ADRA1A: variants seen among roughly 807,000 people sequenced by gnomAD.
The protein encoded by ADRA1A is alpha-1A adrenergic receptor.
A neutral mutation model predicts 29.6 loss-of-function variants in ADRA1A; 31 were observed. That is an observed-to-expected ratio of 1.05 (90% CI 0.79 to 1.41). The LOEUF (loss-of-function observed/expected upper bound fraction) is 1.41, where lower values mean the gene tolerates loss of function less well. ADRA1A is among the 40% of genes most tolerant of loss of function. ADRA1A has a pLI of 0.00. For synonymous variants in ADRA1A, 311 were observed against 254.3 expected (o/e 1.22, Z -2.12); for missense variants, 619 against 601.1 (o/e 1.03, Z -0.31).
At chr8:26,854,426 G>GT (rs72498072) in intron 2 of ADRA1A, 1 of 118,150 alleles carries the variant, frequency 8.5e-6, no homozygotes, top group Non-Finnish European at 1.9e-5. Context: ...AGCGGGGCGG[G>GT]GGGGGGGAGC....
chr8:26,838,565 G>A (rs1407927067), intron 2 of ADRA1A, among the ~76,000 whole-genome samples: 2 of 152,164 alleles, frequency 1.3e-5, no homozygotes, highest in African/African-American at 4.8e-5. Flanking sequence ...TAGGCCTATG[G>A]AATACAATTT....
downstream of ADRA1A, chr8:26,766,179 A>G: frequency 7.1e-7 from 1 of 1,399,634 alleles, no homozygotes; most frequent in Non-Finnish European, 1.0e-6. Flanking sequence ...GTTGGAATAC[A>G]GGTGAGTGAG....
At chr8:26,818,786 G>T (rs1809945144) in intron 2 of ADRA1A, among the ~76,000 whole-genome samples, 1 of 151,098 alleles carries the variant, frequency 6.6e-6, no homozygotes, top group Non-Finnish European at 1.5e-5. Flanking sequence ...ATCCAGAGAA[G>T]AAAAAGTAAA....
chr8:26,826,781 G>A (rs539300220), intron 2 of ADRA1A, among the ~76,000 whole-genome samples: 8 of 152,146 alleles, frequency 5.3e-5, no homozygotes, highest in Non-Finnish European at 8.8e-5. Flanking sequence ...GCCTTGCCTA[G>A]GGCGAGGGTC....
intron 2 of ADRA1A, among the ~76,000 whole-genome samples, chr8:26,817,515 A>G (rs1184549933): frequency 6.6e-6 from 1 of 152,256 alleles, no homozygotes; most frequent in Non-Finnish European, 1.5e-5. Context: ...ACTGTGGCCC[A>G]TACCTGTAAT....
At chr8:26,799,875 A>G (rs1808443159) in intron 2 of ADRA1A, among the ~76,000 whole-genome samples, 1 of 152,264 alleles carries the variant, frequency 6.6e-6, no homozygotes, top group Admixed American at 6.5e-5. Context: ...ATCAATTTAC[A>G]TGGAAATGCA....
chr8:26,817,905 G>A (rs1809876663), intron 2 of ADRA1A, among the ~76,000 whole-genome samples: 1 of 152,172 alleles, frequency 6.6e-6, no homozygotes, highest in Admixed American at 6.5e-5. Flanking sequence ...AGTGGCTTTA[G>A]TTACAAGAGC....
downstream of ADRA1A, among the ~76,000 whole-genome samples, chr8:26,754,554 C>A (rs1417321443): frequency 6.6e-6 from 1 of 152,014 alleles, no homozygotes; most frequent in Non-Finnish European, 1.5e-5. Context: ...GCCAGTCAGC[C>A]CACATTTGCT....
chr8:26,830,206 G>T (rs571156264), intron 2 of ADRA1A, among the ~76,000 whole-genome samples: 2 of 152,202 alleles, frequency 1.3e-5, no homozygotes, highest in Non-Finnish European at 2.9e-5. Flanking sequence ...AGAGAAAGCC[G>T]AAGGATGGGT....
intron 2 of ADRA1A, among the ~76,000 whole-genome samples, chr8:26,799,190 CA>C (rs143901654): frequency 0.057 from 8,626 of 152,130 alleles, 236 homozygotes; most frequent in Middle Eastern, 0.088. Flanking sequence ...TAATTGATTA[CA>C]ATATATGAAG....
intron 2 of ADRA1A, among the ~76,000 whole-genome samples, chr8:26,778,213 A>G (rs2130333596): frequency 6.6e-6 from 1 of 152,246 alleles, no homozygotes; most frequent in South Asian, 2.1e-4. Context: ...TTGGACCCCA[A>G]CGCCCATAAG....
rs935196655 is a variant in ADRA1A at position 26,865,065 on chromosome 8, C to T, written c.-96G>A. 4 of 1,510,036 alleles carry T rather than the reference C, an allele frequency of 2.6e-6. No homozygotes were observed. The highest frequency in any genetic ancestry group is 2.8e-5 in the African/African-American group (2 of 71,752). The allele number at this position is 1,510,036 out of a possible 1,614,324, so 93.5% of individuals were successfully genotyped here. ...GCGGGAGCCGGGAATCAAAAGGTCTCGGCTGGAGGGAGCCCTGCCAGGTGG... is the reference window on the plus strand; with the variant it reads ...GCGGGAGCCGGGAATCAAAAGGTCTTGGCTGGAGGGAGCCCTGCCAGGTGG... On this transcript the variant is annotated 5_prime_UTR_variant, in exon 2 of 3. Transcript: ENST00000380573. The surrounding 1 kb of genome is among the most constrained non-coding windows in gnomAD (Gnocchi z 7.6).
At chr8:26,847,292 C>T (rs559647355) in intron 2 of ADRA1A, among the ~76,000 whole-genome samples, 10 of 152,008 alleles carry the variant, frequency 6.6e-5, no homozygotes, top group East Asian at 3.9e-4. Context: ...AAAAGAAAAA[C>T]GTCTCCAGAC....
At chr8:26,847,389 A>T (rs1413235100) in intron 2 of ADRA1A, among the ~76,000 whole-genome samples, 1 of 152,052 alleles carries the variant, frequency 6.6e-6, no homozygotes, top group East Asian at 1.9e-4. Flanking sequence ...TTATCCTGGG[A>T]TTTTTTCCTC....
At chr8:26,783,155 C>G (rs1435897333) in intron 2 of ADRA1A, among the ~76,000 whole-genome samples, 4 of 152,152 alleles carry the variant, frequency 2.6e-5, no homozygotes, top group African/African-American at 9.7e-5. Context: ...CACTATCCCT[C>G]CCTTGAGTAA....
In ADRA1A at chr8:26,776,949, G is replaced by C. The variant is rs554473612; in HGVS notation, c.884-6283C>G. 2.6e-5 allele frequency among the ~76,000 whole-genome samples: 4 copies of C among 152,320 alleles called. No homozygotes were observed. In the South Asian group the frequency reaches 8.3e-4, roughly 32 times the overall value. On this transcript the variant is annotated intron_variant, in intron 2 of 2. Transcript: ENST00000380573. ...GTACACATCCAATGAGCAGAGGAGA[G>C]AGACAGGCTGCCACACCAACAGGCC...
At chr8:26,842,971 A>G (rs1163619370) in intron 2 of ADRA1A, among the ~76,000 whole-genome samples, 1 of 151,388 alleles carries the variant, frequency 6.6e-6, no homozygotes, top group Admixed American at 6.6e-5. Flanking sequence ...TGGAGCTTCT[A>G]TTGGCTTTTC....
At chr8:26,835,507 G>A (rs951961140) in intron 2 of ADRA1A, among the ~76,000 whole-genome samples, 7 of 152,188 alleles carry the variant, frequency 4.6e-5, no homozygotes, top group East Asian at 1.9e-4. Flanking sequence ...TCTTCACAGC[G>A]CAGCAGGAGA....
At chr8:26,845,623 A>T (rs1812145513) in intron 2 of ADRA1A, among the ~76,000 whole-genome samples, 1 of 152,168 alleles carries the variant, frequency 6.6e-6, no homozygotes, top group Non-Finnish European at 1.5e-5. Context: ...TCAAACAAAA[A>T]CTTGTACATG....
Sources: allele counts gnomAD v4.1 joint callset (sites outside exome capture counted in the v4.1 genomes callset), GRCh38; gene constraint gnomAD v4.1.1; non-coding constraint Gnocchi (gnomAD v3.1); transcripts MANE v1.5; gene names NCBI Gene and HGNC (gene_info 2026-07-23, HGNC 2026-07-21).